Variants in COL24A1 observed in about 807,000 individuals in gnomAD.
COL24A1 encodes collagen type XXIV alpha 1 chain, also known as collagen alpha-1(XXIV) chain.
Under a neutral mutation model 253.9 loss-of-function variants are expected in COL24A1, and 224 were observed. The ratio of observed to expected loss-of-function variants is 0.88; its 90% confidence interval spans 0.79 to 0.99. The LOEUF (loss-of-function observed/expected upper bound fraction) is 0.99. COL24A1 is among the 50% of genes least tolerant of loss of function. COL24A1 has a pLI of 0.00. For synonymous variants in COL24A1, 685 were observed against 673.7 expected, an observed-to-expected ratio of 1.02 and a Z score of -0.26; for missense variants, 2,131 against 2,068.5, an observed-to-expected ratio of 1.03 and a Z score of -0.59.
chr1:85,921,741 C>T (rs188182448), intron 24 of COL24A1, among the ~76,000 whole-genome samples: 2 of 152,234 alleles, frequency 1.3e-5, no homozygotes, highest in African/African-American at 4.8e-5. Flanking sequence ...GCTAAAAATT[C>T]CACAGAGTGC....
chr1:85,771,603 T>C (rs1464444253), intron 53 of COL24A1, among the ~76,000 whole-genome samples: 2 of 152,064 alleles, frequency 1.3e-5, no homozygotes, highest in Admixed American at 1.3e-4. Context: ...TTATAATCCT[T>C]TGGGTATATG....
At chr1:85,923,257 T>A (rs1414809133) in intron 24 of COL24A1, among the ~76,000 whole-genome samples, 1 of 152,122 alleles carries the variant, frequency 6.6e-6, no homozygotes, top group African/African-American at 2.4e-5. Context: ...ATTAGACAGA[T>A]CAACAAGACA....
In COL24A1 at chr1:86,022,972, A is replaced by T; in HGVS notation, c.2085T>A (p.Ala695=). 3.7e-6 allele frequency: 6 copies of T among 1,613,354 alleles called. No homozygotes were observed. The highest frequency in any genetic ancestry group is 5.1e-6 in the Non-Finnish European group (6 of 1,179,528). ...SVGPVGPIGP[A]GIPGPMGLSG... ...ACCATACCATTGGGCCAGGAATTCC[A>T]GCAGGTCCAATTGGTCCCACAGGGC... Residue 695 remains alanine, a synonymous_variant, in exon 15 of 60, where the codon GCT becomes GCA. Coordinates refer to ENST00000370571, the MANE Select transcript of COL24A1 (RefSeq NM_152890.7).
rs192372041 is a variant in COL24A1, at chr1:86,084,746, G to A, written c.1707+4428C>T. Among the ~76,000 whole-genome samples the A allele has an allele frequency of 1.2e-3, 185 of 152,326 alleles. 2 individuals are homozygous for A. Among genetic ancestry groups the A allele is most frequent in the Non-Finnish European group, 2.1e-3 (140 of 68,026 alleles). ...TGAGGGAAATATCTTTGGACACAGG[G>A]AAGTTTTCAAAGTCCCCAAAACTAC... On this transcript the variant is annotated intron_variant, in intron 7 of 59. Transcript: ENST00000370571.
intron 1 of COL24A1, among the ~76,000 whole-genome samples, chr1:86,151,286 T>C (rs1338901284): frequency 6.6e-6 from 1 of 152,150 alleles, no homozygotes; most frequent in East Asian, 1.9e-4. Flanking sequence ...CATGAACAAT[T>C]TTTGAATATT....
intron 37 of COL24A1, 65 bp downstream of exon 37, chr1:85,868,454 T>C: frequency 9.0e-7 from 1 of 1,112,732 alleles, no homozygotes; most frequent in Non-Finnish European, 1.4e-6. Context: ...TGTAGGTTTG[T>C]GCATGTGTAC....
At position 86,059,176 on chromosome 1, in the gene COL24A1, TG is replaced by T; in HGVS notation, c.1753-3del. On this transcript the variant is annotated splice_polypyrimidine_tract_variant and splice_region_variant and intron_variant, in intron 8 of 59. Coordinates refer to ENST00000370571, the MANE Select transcript of COL24A1 (RefSeq NM_152890.7). Reference sequence around the variant, plus strand: ...ATTACCAGCAAATCCTGGAATTCCCTGAAATAATAAATAAAATGAACAGTAT... The same window carrying T: ...ATTACCAGCAAATCCTGGAATTCCCTAAATAATAAATAAAATGAACAGTAT... 7 of 1,608,934 alleles carry T rather than the reference TG, an allele frequency of 4.4e-6. No individual in the cohort carries two copies. Among genetic ancestry groups the T allele is most frequent in the Non-Finnish European group, 5.1e-6 (6 of 1,176,706 alleles).
chr1:86,022,274 C>A lies in COL24A1; in HGVS notation c.2222G>T (p.Gly741Val), dbSNP rs199668151. ...TGACTTTCCTCTCATCCCTGGTGGTCCTGGTAAACCAACAGCACCCTAAGA... is the reference window on the plus strand; with the variant it reads ...TGACTTTCCTCTCATCCCTGGTGGTACTGGTAAACCAACAGCACCCTAAGA... ...PGDKGAVGLP[G>V]PPGMRGKSGP... The change falls in exon 18 of 60, where the codon GGA (glycine) becomes GTA (valine). Residue 741 changes from glycine (G) to valine (V), a missense_variant. Coordinates refer to ENST00000370571, the MANE Select transcript of COL24A1 (RefSeq NM_152890.7). 180 of 1,611,452 alleles carry A rather than the reference C, an allele frequency of 1.1e-4. No homozygotes were observed. Among genetic ancestry groups the A allele is most frequent in the Admixed American group, 3.3e-4 (20 of 59,722 alleles).
chr1:85,746,597 T>C (rs1019588038), intron 55 of COL24A1, among the ~76,000 whole-genome samples: 6 of 152,100 alleles, frequency 3.9e-5, no homozygotes, highest in African/African-American at 1.4e-4. Flanking sequence ...TTAGAGAAAT[T>C]AATCAAATCT....
At chr1:85,903,068 T>TA (rs5775876) in intron 28 of COL24A1, among the ~76,000 whole-genome samples, 103,025 of 151,844 alleles carry the variant, frequency 0.68, 35,224 homozygotes, top group East Asian at 0.79. Context: ...AATGCTTCCT[T>TA]AAAAAAACCC....
Position 85,948,523 on chromosome 1 carries a change from CAAAAAAAAAAAAA to C in COL24A1, c.2562+12713_2562+12725del, listed in dbSNP as rs751884453. ...TGGGCGACAGAGCGAGACTCCGTCT[CAAAAAAAAAAAAA>C]AAAAAAAAAAAGAAACCATTAACTC... is the stretch of plus-strand genomic sequence containing the variant. On this transcript the variant is annotated intron_variant, in intron 24 of 59. Coordinates refer to ENST00000370571, the MANE Select transcript of COL24A1 (RefSeq NM_152890.7). Among the ~76,000 whole-genome samples the C allele has an allele frequency of 4.8e-3, 304 of 63,644 alleles. 10 individuals carry two copies. The South Asian group carries it at 0.13, about 28-fold the overall frequency. 41.8% of individuals were successfully genotyped at this position (63,644 alleles called of 152,430 possible).
intron 32 of COL24A1, among the ~76,000 whole-genome samples, chr1:85,881,747 T>C (rs1024570502): frequency 1.3e-5 from 2 of 152,230 alleles, no homozygotes; most frequent in Non-Finnish European, 2.9e-5. Context: ...AATTTGTATT[T>C]TCTCCTTTTT....
rs142980640 is a variant in COL24A1 at position 86,094,051 on chromosome 1, T to C, written c.1600-1731A>G. Among the ~76,000 whole-genome samples, 381 of 152,166 alleles carry C rather than the reference T, an allele frequency of 2.5e-3. 1 individual carries two copies. Among genetic ancestry groups the C allele is most frequent in the African/African-American group, 8.7e-3 (362 of 41,526 alleles). Reference sequence around the variant, plus strand: ...TATACACTGTTGGTGGGAGTATAAATCAGTTCACCCATTGCGGAAGACAGT... The same window carrying C: ...TATACACTGTTGGTGGGAGTATAAACCAGTTCACCCATTGCGGAAGACAGT... On this transcript the variant is annotated intron_variant, in intron 5 of 59. Coordinates refer to ENST00000370571, the MANE Select transcript of COL24A1 (RefSeq NM_152890.7).
chr1:86,060,866 A>G (rs1461281654), intron 8 of COL24A1, among the ~76,000 whole-genome samples: 6 of 151,838 alleles, frequency 4.0e-5, no homozygotes, highest in Non-Finnish European at 7.4e-5. Flanking sequence ...TATGTATTAA[A>G]TGTTCCCCTA....
intron 43 of COL24A1, among the ~76,000 whole-genome samples, chr1:85,827,825 A>C (rs1222516440): frequency 2.0e-5 from 3 of 151,956 alleles, no homozygotes. Flanking sequence ...TTTCTTTATT[A>C]GTCTTGCTAG....
At chr1:85,828,709 G>T (rs1297248101) in intron 43 of COL24A1, among the ~76,000 whole-genome samples, 1 of 109,080 alleles carries the variant, frequency 9.2e-6, no homozygotes, top group Non-Finnish European at 2.1e-5. Flanking sequence ...ATCTTTGTTG[G>T]TTTAAAGTCT....
intron 5 of COL24A1, among the ~76,000 whole-genome samples, chr1:86,094,100 A>G (rs1703719796): frequency 6.6e-6 from 1 of 152,152 alleles, no homozygotes; most frequent in Non-Finnish European, 1.5e-5. Context: ...AAAGACCTAG[A>G]GACAGAAATA....
chr1:85,877,075 C>CA (rs1183113493), intron 33 of COL24A1, 47 bp downstream of exon 33: 2 of 1,382,148 alleles, frequency 1.4e-6, no homozygotes, highest in Admixed American at 3.8e-5. Flanking sequence ...TAGAGTCTTA[C>CA]AAAAAGTAGA....
intron 5 of COL24A1, among the ~76,000 whole-genome samples, chr1:86,103,722 G>A (rs1704676559): frequency 6.6e-6 from 1 of 152,154 alleles, no homozygotes; most frequent in African/African-American, 2.4e-5. Flanking sequence ...AGTCTCTTCT[G>A]GCAATGTATG....
Sources: gnomAD v4.1 joint callset for allele counts (sites outside exome capture counted in the v4.1 genomes callset) on GRCh38, gnomAD v4.1.1 for gene constraint, MANE v1.5 for transcripts, NCBI Gene and HGNC (gene_info 2026-07-23, HGNC 2026-07-21) for gene names.